Variants in DTX1 observed in about 807,000 individuals in gnomAD.
DTX1 encodes deltex E3 ubiquitin ligase 1.
DTX1 carries 26 observed loss-of-function variants against 57.8 expected under a neutral mutation model. That is an observed-to-expected ratio of 0.45 (90% CI 0.33 to 0.62). The LOEUF (loss-of-function observed/expected upper bound fraction) is 0.62, where lower values mean the gene tolerates loss of function less well. DTX1 is among the 20% of genes least tolerant of loss of function. The pLI, the probability that DTX1 is intolerant of heterozygous loss-of-function variation, is 0.02. For synonymous variants in DTX1, 398 were observed against 394.1 expected (o/e 1.01, Z -0.12); for missense variants, 704 against 895.3 (o/e 0.79, Z 2.73).
intron 3 of DTX1, among the ~76,000 whole-genome samples, chr12:113,080,603 T>TGGAATGGAATGGAAC (rs1344914844): frequency 6.6e-6 from 1 of 151,842 alleles, no homozygotes; most frequent in African/African-American, 2.4e-5. Flanking sequence ...TGGAATGGAA[T>TGGAATGGAATGGAAC]GGAATGGAAT....
At chr12:113,087,600 T>C (rs1477887825) in intron 3 of DTX1, among the ~76,000 whole-genome samples, 1 of 149,664 alleles carries the variant, frequency 6.7e-6, no homozygotes, top group Non-Finnish European at 1.5e-5. Flanking sequence ...GGGTGGGGGG[T>C]CCCTAAAGCA....
chr12:113,065,715 G>C (rs897671315), intron 2 of DTX1, among the ~76,000 whole-genome samples: 5 of 152,104 alleles, frequency 3.3e-5, no homozygotes. Context: ...GGTGAAGAAG[G>C]TGGTAAGGAG....
At chr12:113,076,838 C>T (rs577311493) in intron 2 of DTX1, among the ~76,000 whole-genome samples, 2 of 152,232 alleles carry the variant, frequency 1.3e-5, no homozygotes, top group South Asian at 4.1e-4. Context: ...AATGAGTGAG[C>T]AAACTATAAT....
At chr12:113,096,617 T>TAGCC (rs1279537618) in intron 9 of DTX1, 98 bp from the exon 10 acceptor site, 15 of 1,162,044 alleles carry the variant, frequency 1.3e-5, no homozygotes, top group Non-Finnish European at 1.7e-5. Context: ...AGCCATAAGG[T>TAGCC]AGCCATGATG....
chr12:113,086,057 C>T (rs866607861), intron 3 of DTX1, among the ~76,000 whole-genome samples: 1 of 152,046 alleles, frequency 6.6e-6, no homozygotes. Flanking sequence ...CACTTGAGCC[C>T]AGGAATTTGA....
intron 2 of DTX1, among the ~76,000 whole-genome samples, chr12:113,066,066 G>A (rs1468442944): frequency 1.3e-5 from 2 of 152,132 alleles, no homozygotes; most frequent in African/African-American, 4.8e-5. Flanking sequence ...TCACCCCCAT[G>A]AGCCCACCCA....
At chr12:113,065,366 T>C (rs936386) in intron 2 of DTX1, among the ~76,000 whole-genome samples, 3,933 of 152,214 alleles carry the variant, frequency 0.026, 149 homozygotes, top group African/African-American at 0.087. Context: ...GGTCTGCAGC[T>C]GGGTGCGCAC....
chr12:113,092,929 T>TAA (rs1374347846), intron 3 of DTX1, among the ~76,000 whole-genome samples: 1 of 152,132 alleles, frequency 6.6e-6, no homozygotes, highest in Non-Finnish European at 1.5e-5. Context: ...GTGTCTGCAC[T>TAA]AAAGTCTAAG....
rs978783206 is a variant in DTX1 at position 113,086,795 on chromosome 12, A to G, written c.942-6367A>G. On this transcript the variant is annotated intron_variant, in intron 3 of 9. Transcript: ENST00000548759. ...GTACTGACAGGTACACTGTGAAGTCAAGGACCCCACCAGGCCCCTGGCTGC... is the reference window on the plus strand; with the variant it reads ...GTACTGACAGGTACACTGTGAAGTCGAGGACCCCACCAGGCCCCTGGCTGC... Among the ~76,000 whole-genome samples the G allele has an allele frequency of 2.0e-5, 3 of 152,098 alleles. No individual in the cohort carries two copies. In the South Asian group the frequency reaches 6.2e-4, roughly 32 times the overall value.
Position 113,094,043 on chromosome 12 carries a change from A to G in DTX1, c.1171A>G (p.Asn391Asp), listed in dbSNP as rs1415414499. ...TKKKHLKKSK[N>D]PEDVVRRYMQ... ...ACCCCGCTGTGTCCCTGCAGGTAAG[A>G]ATCCCGAGGATGTGGTTCGAAGATA... Residue 391 changes from asparagine (N) to aspartate (D), a missense_variant, in exon 6 of 10, where the codon AAT (asparagine) becomes GAT (aspartate). This residue lies in a region of DTX1 where 299 missense variants were observed against 311.2 expected (regional missense o/e 0.96). Transcript: ENST00000548759. 1 of 1,574,518 alleles carries G rather than the reference A, an allele frequency of 6.4e-7. No individual in the cohort carries two copies. The highest frequency in any genetic ancestry group is 8.6e-7 in the Non-Finnish European group (1 of 1,159,064).
intron 3 of DTX1, among the ~76,000 whole-genome samples, chr12:113,091,771 A>G (rs1408025053): frequency 6.6e-6 from 1 of 152,194 alleles, no homozygotes; most frequent in Non-Finnish European, 1.5e-5. Context: ...GCACGGCCAG[A>G]GCCAAGGGGG....
chr12:113,096,639 G>T, intron 9 of DTX1, 76 bp from the exon 10 acceptor site: 1 of 1,399,216 alleles, frequency 7.1e-7, no homozygotes, highest in Non-Finnish European at 9.7e-7. Context: ...GGCAGGGGAG[G>T]GAGGGAGGCT....
chr12:113,087,461 G>A (rs2044870046), intron 3 of DTX1, among the ~76,000 whole-genome samples: 1 of 152,126 alleles, frequency 6.6e-6, no homozygotes, highest in African/African-American at 2.4e-5. Flanking sequence ...TGGCGGCAGG[G>A]ACTTGGCCCC....
In DTX1 at chr12:113,058,168, C is replaced by A. The variant is rs755033562; in HGVS notation, c.-25C>A. On this transcript the variant is annotated 5_prime_UTR_variant, in exon 2 of 10. Coordinates refer to ENST00000548759, the MANE Select transcript of DTX1 (RefSeq NM_004416.3). ...GAGCTGGGCCTGCAATAGTGGGGGA[C>A]CTGGCCCCTGAGGCAGTGGCGGCCA... 62 of 1,577,376 alleles carry A rather than the reference C, an allele frequency of 3.9e-5. No individual in the cohort carries two copies. Among genetic ancestry groups the A allele is most frequent in the Middle Eastern group, 2.2e-4 (1 of 4,530 alleles).
Position 113,093,748 on chromosome 12 carries a change from T to C in DTX1, c.1165+48T>C, listed in dbSNP as rs977700769. The C allele has an allele frequency of 1.1e-5, 18 of 1,602,114 alleles. No individual in the cohort carries two copies. The highest frequency in any genetic ancestry group is 1.5e-5 in the Non-Finnish European group (18 of 1,172,142). Reference sequence around the variant, plus strand: ...CACACGAGATGAACCCCACTAAGCCTTGACCACAACTCTGTGACCCCTGGT... The same window carrying C: ...CACACGAGATGAACCCCACTAAGCCCTGACCACAACTCTGTGACCCCTGGT... On this transcript the variant is annotated intron_variant, in intron 5 of 9. Transcript: ENST00000548759. The surrounding 1 kb of genome is among the most constrained non-coding windows in gnomAD (Gnocchi z 4.2).
At chr12:113,083,368 C>T (rs2044831954) in intron 3 of DTX1, among the ~76,000 whole-genome samples, 1 of 152,094 alleles carries the variant, frequency 6.6e-6, no homozygotes, top group Non-Finnish European at 1.5e-5. Flanking sequence ...CTCTGTTACC[C>T]AGGCTGGAGT....
chr12:113,058,708 T>C (rs1350061970), intron 2 of DTX1, among the ~76,000 whole-genome samples: 1 of 152,166 alleles, frequency 6.6e-6, no homozygotes, highest in East Asian at 1.9e-4. Flanking sequence ...GCAAAATGGG[T>C]AGATCAATAT....
In DTX1 at chr12:113,072,696, C is replaced by CTTTTTTT. The variant is rs60642403; in HGVS notation, c.260-4709_260-4703dup. ...ATTTGCACAAGACCTGAGAGATTTT[C>CTTTTTTT]TTTTTTTTTTTTTTTTTTTTTTTTT... On this transcript the variant is annotated intron_variant, in intron 2 of 9. Coordinates refer to ENST00000548759, the MANE Select transcript of DTX1 (RefSeq NM_004416.3). Among the ~76,000 whole-genome samples the CTTTTTTT allele has an allele frequency of 2.1e-3, 150 of 71,100 alleles. 12 individuals are homozygous for CTTTTTTT. The highest frequency in any genetic ancestry group is 6.5e-3 in the African/African-American group (124 of 19,174). The allele number at this position is 71,100 out of a possible 152,430, so 46.6% of individuals were successfully genotyped here. A position where few individuals can be genotyped will look rare whatever the true frequency, so the allele number is the denominator to read the frequency against.
At chr12:113,060,911 G>A (rs2044659676) in intron 2 of DTX1, among the ~76,000 whole-genome samples, 1 of 152,058 alleles carries the variant, frequency 6.6e-6, no homozygotes, top group Non-Finnish European at 1.5e-5. Context: ...GCTGGGTTGG[G>A]TATGGGCGGC....
Sources: gnomAD v4.1 joint callset for allele counts (sites outside exome capture counted in the v4.1 genomes callset) on GRCh38, gnomAD v4.1.1 for gene constraint, gnomAD v4.1.1 regional missense constraint, Gnocchi (gnomAD v3.1) non-coding constraint, MANE v1.5 for transcripts, NCBI Gene and HGNC (gene_info 2026-07-23, HGNC 2026-07-21) for gene names.